ZNF282: variants seen among roughly 807,000 people sequenced by gnomAD.
The protein encoded by ZNF282 is HTLV-I U5 repressive element-binding protein 1.
ZNF282 carries 30 observed loss-of-function variants against 61.9 expected under a neutral mutation model. That is an observed-to-expected ratio of 0.48 (90% CI 0.36 to 0.66). The LOEUF is 0.66. Among genes scored for constraint, ZNF282 ranks in the 30% least tolerant of loss-of-function variants. ZNF282 has a pLI of 0.00. For missense variants in ZNF282, 788 were observed against 941.4 expected (o/e 0.84, Z 2.13); for synonymous variants, 396 against 405.0 (o/e 0.98, Z 0.27).
In ZNF282 at chr7:149,206,836, C is replaced by G; in HGVS notation, c.712+14C>G. 2.5e-6 allele frequency: 4 copies of G among 1,613,796 alleles called. No homozygotes were observed. The highest frequency in any genetic ancestry group is 2.5e-6 in the Non-Finnish European group (3 of 1,179,986). The stretch of plus-strand genomic sequence containing the variant: ...TCATGTCCCTGGGTAAGGACACCTT[C>G]TCTCCTCTTTGGTGAGCCATCTCTG... On this transcript the variant is annotated intron_variant, in intron 3 of 7. Coordinates refer to ENST00000610704, the MANE Select transcript of ZNF282 (RefSeq NM_003575.4).
At chr7:149,220,213 C>T (rs1796221432) in intron 7 of ZNF282, among the ~76,000 whole-genome samples, 1 of 152,084 alleles carries the variant, frequency 6.6e-6, no homozygotes. Context: ...TCGAGACCAT[C>T]CTGGCTAACA....
chr7:149,210,691 G>A lies in ZNF282; in HGVS notation c.939G>A (p.Thr313=), dbSNP rs748204838. 6.9e-6 allele frequency: 11 copies of A among 1,601,512 alleles called. No homozygotes were observed. Among genetic ancestry groups the A allele is most frequent in the South Asian group, 2.2e-5 (2 of 88,926 alleles). The change falls in exon 5 of 8, where the codon ACG becomes ACA. Residue 313 remains threonine (T), a synonymous_variant. Transcript: ENST00000610704. ...GCCTGGAGGAAAGAGCCATCCCTAC[G>A]GAATCCATTACCGGTGAGTGAGCCA... is the stretch of plus-strand genomic sequence containing the variant. ...QRGLEERAIP[T]ESITDSPISA...
chr7:149,210,568 T>C lies in ZNF282; in HGVS notation c.833-17T>C. The C allele has an allele frequency of 1.2e-6, 2 of 1,607,732 alleles. No homozygotes were observed. The highest frequency in any genetic ancestry group is 8.5e-7 in the Non-Finnish European group (1 of 1,177,580). On this transcript the variant is annotated splice_polypyrimidine_tract_variant and intron_variant, in intron 4 of 7. Coordinates refer to ENST00000610704, the MANE Select transcript of ZNF282 (RefSeq NM_003575.4). The stretch of plus-strand genomic sequence containing the variant: ...GCAGAAAAAAAGACACAAAGCAATG[T>C]CATTCTCTGTCCCCAGGAGCAGAGC...
At chr7:149,221,632 G>T (rs1358904002) in intron 7 of ZNF282, among the ~76,000 whole-genome samples, 4 of 152,134 alleles carry the variant, frequency 2.6e-5, no homozygotes, top group Non-Finnish European at 5.9e-5. Flanking sequence ...GGATTCTCTG[G>T]AGCTGGGATG....
rs1796308254 is a variant in ZNF282 at position 149,223,933 on chromosome 7, G to A, written c.1302G>A (p.Ala434=). The A allele has an allele frequency of 1.5e-6, 2 of 1,326,218 alleles. No individual in the cohort carries two copies. The highest frequency in any genetic ancestry group is 1.5e-5 in the African/African-American group (1 of 64,934). The allele number at this position is 1,326,218 out of a possible 1,614,324, so 82.2% of individuals were successfully genotyped here. ...QPQPQSLPPI[A]VAENPGGPPS... is the part of the protein sequence containing the mutation. ...AGCCCCAGAGCCTGCCCCCCATCGC[G>A]GTGGCCGAGAACCCGGGCGGCCCCC... Residue 434 remains alanine, a synonymous_variant, in exon 8 of 8, where the codon GCG becomes GCA. Transcript: ENST00000610704.
chr7:149,201,639 C>G (rs1360755862), intron 2 of ZNF282, among the ~76,000 whole-genome samples: 1 of 152,140 alleles, frequency 6.6e-6, no homozygotes, highest in African/African-American at 2.4e-5. Context: ...GTAATCCCAG[C>G]TACTCAGGAG....
chr7:149,201,368 T>C (rs1177925462), intron 2 of ZNF282, among the ~76,000 whole-genome samples: 1 of 152,182 alleles, frequency 6.6e-6, no homozygotes, highest in Non-Finnish European at 1.5e-5. Context: ...ATTGTCTTCA[T>C]CCTTGTCCCC....
chr7:149,202,147 C>CT (rs1435643555), intron 2 of ZNF282, among the ~76,000 whole-genome samples: 2 of 145,360 alleles, frequency 1.4e-5, no homozygotes, highest in African/African-American at 5.2e-5. Flanking sequence ...TTAAGATATG[C>CT]TTCTTTTTTT....
At chr7:149,196,614 G>A (rs1324559320) in intron 1 of ZNF282, among the ~76,000 whole-genome samples, 3 of 152,164 alleles carry the variant, frequency 2.0e-5, no homozygotes, top group Admixed American at 1.3e-4. Context: ...AGGTGCTAAC[G>A]AGGGAGCCAG....
At chr7:149,209,815 T>A (rs560138783) in intron 4 of ZNF282, among the ~76,000 whole-genome samples, 5 of 152,302 alleles carry the variant, frequency 3.3e-5, no homozygotes, top group African/African-American at 1.2e-4. Context: ...GGCTTCTGTG[T>A]AGAGGCTATG....
At chr7:149,199,257 G>A (rs957532145) in intron 2 of ZNF282, among the ~76,000 whole-genome samples, 3 of 151,988 alleles carry the variant, frequency 2.0e-5, no homozygotes, top group African/African-American at 7.3e-5. Context: ...CTTTCCTCCC[G>A]GATCCTCAAT....
intron 1 of ZNF282, 69 bp downstream of exon 1, chr7:149,195,823 C>G: frequency 8.1e-7 from 1 of 1,239,714 alleles, no homozygotes; most frequent in Non-Finnish European, 1.0e-6. Context: ...GCCGCGGGAC[C>G]GGGCCGCGCC....
chr7:149,206,749 G>A lies in ZNF282; in HGVS notation c.639G>A (p.Lys213=), dbSNP rs761701836. The part of the protein sequence containing the change: ...IAVYFSEDEW[K]NLDEWQKELY... ...TGTACTTCTCCGAAGACGAGTGGAA[G>A]AACTTGGACGAATGGCAGAAGGAGC... The change falls in exon 3 of 8, where the codon AAG becomes AAA. Residue 213 remains lysine (K), a synonymous_variant. Transcript: ENST00000610704. 6 of 1,614,100 alleles carry A rather than the reference G, an allele frequency of 3.7e-6. No individual in the cohort carries two copies. The African/African-American group carries it at 8.0e-5, about 22-fold the overall frequency.
Position 149,202,378 on chromosome 7 carries a change from C to T in ZNF282, c.585+3626C>T, listed in dbSNP as rs973853401. Among the ~76,000 whole-genome samples, 14 of 151,432 alleles carry T rather than the reference C, an allele frequency of 9.2e-5. 1 individual carries two copies. Among genetic ancestry groups the T allele is most frequent in the Admixed American group, 9.2e-4 (14 of 15,166 alleles). On this transcript the variant is annotated intron_variant, in intron 2 of 7. Transcript: ENST00000610704. ...CCAAGCTGGAGTGCAGTGGTGCGAA[C>T]TCGGCTCACTGTAAGCTCTGCCTCC...
rs1206204521 is a variant in ZNF282, at chr7:149,198,851, G to A, written c.585+99G>A. The stretch of plus-strand genomic sequence containing the variant: ...GTCAGCCCTTCTCATAAACTTCTCT[G>A]GCTCCCCGTTATCCAATTTCAGTGT... On this transcript the variant is annotated intron_variant, in intron 2 of 7. Coordinates refer to ENST00000610704, the MANE Select transcript of ZNF282 (RefSeq NM_003575.4). This position sits in a 1 kb window ranked among gnomAD's most constrained non-coding sequence, Gnocchi z 4.3. The A allele has an allele frequency of 6.8e-6, 10 of 1,460,178 alleles. No homozygotes were observed. Among genetic ancestry groups the A allele is most frequent in the Non-Finnish European group, 9.1e-6 (10 of 1,096,922 alleles). 90.5% of individuals were successfully genotyped at this position (1,460,178 alleles called of 1,614,324 possible).
intron 7 of ZNF282, among the ~76,000 whole-genome samples, chr7:149,215,795 C>T (rs1796153289): frequency 6.6e-6 from 1 of 152,232 alleles, no homozygotes; most frequent in Non-Finnish European, 1.5e-5. Context: ...CCAACTCCAT[C>T]TCTTCCTCCA....
chr7:149,217,959 T>A (rs1302619081), intron 7 of ZNF282, among the ~76,000 whole-genome samples: 3 of 151,304 alleles, frequency 2.0e-5, no homozygotes, highest in Non-Finnish European at 4.4e-5. Context: ...GAAAGGAGAC[T>A]AGGCCGGGTG....
At chr7:149,220,175 G>C (rs1302526747) in intron 7 of ZNF282, among the ~76,000 whole-genome samples, 2 of 152,142 alleles carry the variant, frequency 1.3e-5, no homozygotes, top group Non-Finnish European at 2.9e-5. Flanking sequence ...TTGAGAGGCC[G>C]AGACGGGCGG....
chr7:149,214,548 G>T (rs910746773), intron 7 of ZNF282, among the ~76,000 whole-genome samples: 1 of 152,134 alleles, frequency 6.6e-6, no homozygotes, highest in African/African-American at 2.4e-5. Flanking sequence ...ACACTAGCCA[G>T]GCTGCACACG....
Sources: gnomAD v4.1 joint callset for allele counts (sites outside exome capture counted in the v4.1 genomes callset) on GRCh38, gnomAD v4.1.1 for gene constraint, Gnocchi (gnomAD v3.1) non-coding constraint, MANE v1.5 for transcripts, NCBI Gene and HGNC (gene_info 2026-07-23, HGNC 2026-07-21) for gene names.